CSMD2: variants seen among roughly 807,000 people sequenced by gnomAD.
The protein encoded by CSMD2 is CUB and Sushi multiple domains 2.
CSMD2 carries 130 observed loss-of-function variants against 398.5 expected under a neutral mutation model. The ratio of observed to expected loss-of-function variants is 0.33; its 90% CI spans 0.28 to 0.38. The LOEUF (loss-of-function observed/expected upper bound fraction) is 0.38. Ranked by LOEUF, CSMD2 falls within the 10% of genes least tolerant of loss-of-function variation. The probability of loss-of-function intolerance (pLI) is 1.00; values close to 1 mark genes in which losing one functional copy is unlikely to be tolerated. For missense variants in CSMD2, 3,829 were observed against 4,764.9 expected (o/e 0.80, Z 5.78); for synonymous variants, 1,828 against 1,908.5 (o/e 0.96, Z 1.10).
At position 33,633,551 on chromosome 1, in the gene CSMD2, A is replaced by G. The variant is rs1415382964; in HGVS notation, c.5087-16T>C. On this transcript the variant is annotated splice_polypyrimidine_tract_variant and intron_variant, in intron 31 of 70. Coordinates refer to ENST00000373381, the MANE Select transcript of CSMD2 (RefSeq NM_001281956.2). The surrounding 1 kb of genome is among the most constrained non-coding windows in gnomAD (Gnocchi z 5.0). The stretch of plus-strand genomic sequence containing the variant: ...CCAAACACCACTGTGGAGGAGACAC[A>G]GTGTGGGGACTGGGCAGGCACGCTG... The G allele has an allele frequency of 1.3e-6, 2 of 1,544,140 alleles. No homozygotes were observed. The highest frequency in any genetic ancestry group is 1.2e-5 in the South Asian group (1 of 83,902).
At chr1:33,702,635 C>G (rs76856336) in intron 22 of CSMD2, among the ~76,000 whole-genome samples, 1 of 152,128 alleles carries the variant, frequency 6.6e-6, no homozygotes, top group Non-Finnish European at 1.5e-5. Flanking sequence ...ACTGCTCTTT[C>G]ACTTAATATA....
At chr1:33,777,117 C>A (rs1049159837) in intron 12 of CSMD2, among the ~76,000 whole-genome samples, 6 of 152,108 alleles carry the variant, frequency 3.9e-5, no homozygotes, top group Non-Finnish European at 8.8e-5. Flanking sequence ...CATCGGCGAG[C>A]AAGCATACGA....
At chr1:34,044,467 A>C (rs1652247324) in intron 2 of CSMD2, among the ~76,000 whole-genome samples, 1 of 152,092 alleles carries the variant, frequency 6.6e-6, no homozygotes, top group African/African-American at 2.4e-5. Context: ...CCTCTCTGGG[A>C]AACAATAGGC....
At chr1:33,999,642 A>G (rs1009212154) in intron 3 of CSMD2, among the ~76,000 whole-genome samples, 2 of 151,906 alleles carry the variant, frequency 1.3e-5, no homozygotes, top group African/African-American at 4.8e-5. Context: ...TCCTCTTGCC[A>G]CAGTCATTCA....
intron 4 of CSMD2, among the ~76,000 whole-genome samples, chr1:33,926,163 A>G (rs1445922661): frequency 6.6e-6 from 1 of 152,218 alleles, no homozygotes; most frequent in Non-Finnish European, 1.5e-5. Flanking sequence ...CCTAGCACCT[A>G]GCAGATTTCC....
At chr1:34,078,161 T>C (rs1656653596) in intron 2 of CSMD2, among the ~76,000 whole-genome samples, 2 of 151,600 alleles carry the variant, frequency 1.3e-5, no homozygotes, top group African/African-American at 2.4e-5. Flanking sequence ...ACAATAAACA[T>C]GGAAATCCCC....
At chr1:33,822,304 C>T (rs551980369) in intron 7 of CSMD2, among the ~76,000 whole-genome samples, 1 of 152,170 alleles carries the variant, frequency 6.6e-6, no homozygotes, top group African/African-American at 2.4e-5. Context: ...ATTTCCAGGG[C>T]CTGGGTACCT....
Position 33,838,401 on chromosome 1 carries a change from A to T in CSMD2, c.1033+8483T>A, listed in dbSNP as rs1160145907. 3.3e-5 allele frequency: 5 copies of T among 152,210 alleles called. No homozygotes were observed. In the East Asian group the frequency reaches 9.6e-4, roughly 29 times the overall value. 9.4% of individuals were successfully genotyped at this position (152,210 alleles called of 1,614,324 possible). A position where few individuals can be genotyped will look rare whatever the true frequency, so the allele number is the denominator to read the frequency against. On this transcript the variant is annotated intron_variant, in intron 6 of 70. Transcript: ENST00000373381. ...AAAAGTTGCAGGGGGTGATCTTTCAAAAACTGAAATCTGACCTTGCCTTTT... is the reference window on the plus strand; with the variant it reads ...AAAAGTTGCAGGGGGTGATCTTTCATAAACTGAAATCTGACCTTGCCTTTT...
intron 2 of CSMD2, among the ~76,000 whole-genome samples, chr1:34,084,736 G>A (rs1657659722): frequency 6.6e-6 from 1 of 151,952 alleles, no homozygotes; most frequent in Non-Finnish European, 1.5e-5. Flanking sequence ...AACAACAGGT[G>A]CTGGAGAGGA....
intron 11 of CSMD2, among the ~76,000 whole-genome samples, chr1:33,791,243 C>T (rs141200018): frequency 4.0e-4 from 61 of 152,310 alleles, no homozygotes; most frequent in African/African-American, 1.4e-3. Flanking sequence ...AACTTGAGTG[C>T]TGGTTCTGCT....
chr1:34,131,349 G>GT (rs1663330710), intron 1 of CSMD2, among the ~76,000 whole-genome samples: 5 of 152,056 alleles, frequency 3.3e-5, no homozygotes, highest in Admixed American at 3.3e-4. Flanking sequence ...TGCAGGAGAG[G>GT]GGGGGGTCTT....
At chr1:34,033,852 A>G (rs1410894279) in intron 2 of CSMD2, among the ~76,000 whole-genome samples, 2 of 152,186 alleles carry the variant, frequency 1.3e-5, no homozygotes, top group Non-Finnish European at 2.9e-5. Flanking sequence ...GTTAACAGAC[A>G]CTGTGAAAAC....
Position 34,059,210 on chromosome 1 carries a change from A to G in CSMD2, c.405-26504T>C, listed in dbSNP as rs1480780533. On this transcript the variant is annotated intron_variant, in intron 2 of 70. Coordinates refer to ENST00000373381, the MANE Select transcript of CSMD2 (RefSeq NM_001281956.2). ...GCTACACATGCAAAAGGATGGAGCT[A>G]TCAGTATCATCAGAAGTCAAGGTGC... is the stretch of plus-strand genomic sequence containing the variant. Among the ~76,000 whole-genome samples the G allele has an allele frequency of 2.6e-5, 4 of 152,306 alleles. No homozygotes were observed. In the East Asian group the frequency reaches 7.7e-4, roughly 29 times the overall value.
chr1:34,003,729 G>A (rs1646972139), intron 3 of CSMD2, among the ~76,000 whole-genome samples: 1 of 152,100 alleles, frequency 6.6e-6, no homozygotes. Context: ...CACCATCCAG[G>A]CACCACACCC....
chr1:33,533,691 T>G lies in CSMD2; in HGVS notation c.9991+105A>C. ...ACAAAGAGACCGATGTCGGTTCGCA[T>G]GGGGAGTTGTGAACTCCCTGTCATT... On this transcript the variant is annotated intron_variant, in intron 63 of 70. Coordinates refer to ENST00000373381, the MANE Select transcript of CSMD2 (RefSeq NM_001281956.2). This position sits in a 1 kb window ranked among gnomAD's most constrained non-coding sequence, Gnocchi z 4.2. 1 of 722,324 alleles carries G rather than the reference T, an allele frequency of 1.4e-6. No individual in the cohort carries two copies. The highest frequency in any genetic ancestry group is 1.7e-5 in the South Asian group (1 of 59,356). The allele number at this position is 722,324 out of a possible 1,614,324, so 44.7% of individuals were successfully genotyped here. A position where few individuals can be genotyped will look rare whatever the true frequency, so the allele number is the denominator to read the frequency against.
chr1:33,788,566 G>T, intron 12 of CSMD2, 34 bp downstream of exon 12: 1 of 1,196,882 alleles, frequency 8.4e-7, no homozygotes, highest in South Asian at 1.2e-5. Flanking sequence ...TGACTCCCAG[G>T]ACACAGTTCA....
intron 36 of CSMD2, among the ~76,000 whole-genome samples, chr1:33,622,701 C>A (rs904443504): frequency 6.6e-6 from 1 of 152,194 alleles, no homozygotes; most frequent in Non-Finnish European, 1.5e-5. Context: ...CCACTGGGCA[C>A]ACCTATACAC....
intron 25 of CSMD2, among the ~76,000 whole-genome samples, chr1:33,676,847 C>A (rs904943491): frequency 6.6e-6 from 1 of 152,148 alleles, no homozygotes; most frequent in Non-Finnish European, 1.5e-5. Flanking sequence ...CTGAGAAAAA[C>A]AAGCAATGGG....
intron 21 of CSMD2, among the ~76,000 whole-genome samples, chr1:33,710,177 G>A (rs1645937271): frequency 6.6e-6 from 1 of 152,144 alleles, no homozygotes; most frequent in Non-Finnish European, 1.5e-5. Context: ...GCGTAGGCAG[G>A]GCAGGCTTAG....
Sources: gnomAD v4.1 joint callset for allele counts (sites outside exome capture counted in the v4.1 genomes callset) on GRCh38, gnomAD v4.1.1 for gene constraint, Gnocchi (gnomAD v3.1) non-coding constraint, MANE v1.5 for transcripts, NCBI Gene and HGNC (gene_info 2026-07-23, HGNC 2026-07-21) for gene names.